Variants in CEP63 observed in about 807,000 individuals in gnomAD.
The protein encoded by CEP63 is centrosomal protein of 63 kDa.
Under a neutral mutation model 89.1 loss-of-function variants are expected in CEP63, and 84 were observed. That is an observed-to-expected ratio of 0.94 (90% confidence interval 0.79 to 1.13). CEP63 has a LOEUF of 1.13. CEP63 is among the 50% of genes most tolerant of loss of function. The pLI is 0.00. For missense variants in CEP63, 838 were observed against 813.3 expected, an observed-to-expected ratio of 1.03 and a Z score of -0.37; for synonymous variants, 267 against 272.5, an observed-to-expected ratio of 0.98 and a Z score of 0.20.
the CEP63 span, among the ~76,000 whole-genome samples, chr3:134,621,213 A>C: frequency 6.6e-6 from 1 of 152,246 alleles, no homozygotes; most frequent in East Asian, 1.9e-4. Context: ...GCTGAAATGG[A>C]AAAGTCAGTT....
chr3:134,755,470 G>A, the CEP63 span, among the ~76,000 whole-genome samples: 1 of 152,180 alleles, frequency 6.6e-6, no homozygotes, highest in Non-Finnish European at 1.5e-5. Context: ...TGGCTCTAGG[G>A]TGACTGCAAG....
In CEP63 at chr3:134,507,164, A is replaced by T; in HGVS notation, c.100A>T (p.Ile34Leu). 2 of 1,613,836 alleles carry T rather than the reference A, an allele frequency of 1.2e-6. No homozygotes were observed. The highest frequency in any genetic ancestry group is 1.7e-6 in the Non-Finnish European group (2 of 1,179,860). Reference sequence around the variant, plus strand: ...ACAGGAGCTCATGAAACAGATTGACATAATGGTGGCTCATAAAAAATCTGA... The same window carrying T: ...ACAGGAGCTCATGAAACAGATTGACTTAATGGTGGCTCATAAAAAATCTGA... ...ELQELMKQID[I>L]MVAHKKSEWE... Residue 34 changes from isoleucine to leucine, a missense_variant, in exon 3 of 15, where the codon ATA (isoleucine) becomes TTA (leucine). Transcript: ENST00000675561.
chr3:134,502,147 A>G (rs1462424364), intron 2 of CEP63, among the ~76,000 whole-genome samples: 2 of 152,142 alleles, frequency 1.3e-5, no homozygotes, highest in Admixed American at 6.5e-5. Context: ...ATTTTTGCCT[A>G]TGTTGAACCA....
the CEP63 span, among the ~76,000 whole-genome samples, chr3:134,756,912 G>T: frequency 1.3e-5 from 2 of 152,134 alleles, no homozygotes; most frequent in Admixed American, 6.6e-5. Flanking sequence ...AGGAGAAACT[G>T]CTATATGGGC....
rs996514907 is a variant in CEP63, at chr3:134,549,993, C to T, written c.1183-70C>T. The T allele has an allele frequency of 5.8e-6, 6 of 1,039,874 alleles. No homozygotes were observed. In the South Asian group the frequency reaches 6.7e-5, roughly 12 times the overall value. The allele number at this position is 1,039,874 out of a possible 1,614,324, so 64.4% of individuals were successfully genotyped here. On this transcript the variant is annotated intron_variant, in intron 10 of 14. Transcript: ENST00000675561. ...ATAAGGTGAACTTTTATTTTATTAG[C>T]TAGTAACATATTATTCTATCTAAAT...
chr3:134,642,189 C>G, the CEP63 span, among the ~76,000 whole-genome samples: 4 of 152,192 alleles, frequency 2.6e-5, no homozygotes, highest in Admixed American at 6.5e-5. Flanking sequence ...CTGCCAGCGC[C>G]TTTCTATAGA....
At chr3:134,509,446 A>T (rs1243989318) in intron 3 of CEP63, among the ~76,000 whole-genome samples, 1 of 152,198 alleles carries the variant, frequency 6.6e-6, no homozygotes, top group Non-Finnish European at 1.5e-5. Context: ...TTGAGCAGGG[A>T]CACAGACCCA....
chr3:134,636,088 A>G, the CEP63 span, among the ~76,000 whole-genome samples: 1 of 152,252 alleles, frequency 6.6e-6, no homozygotes, highest in African/African-American at 2.4e-5. Context: ...GAACACTCAG[A>G]TACATACATC....
At position 134,547,382 on chromosome 3, in the gene CEP63, A is replaced by AG; in HGVS notation, c.982dup (p.Asp328GlyfsTer15). 6.2e-7 allele frequency: 1 copy of AG among 1,613,740 alleles called. No homozygotes were observed. The highest frequency in any genetic ancestry group is 1.3e-5 in the African/African-American group (1 of 75,020). ...GAAAAGAAGTACACCTCTCAAGGGC[A>AG]GGGGGACTTAGACAGTGTGCTCTCC... On this transcript the variant is annotated frameshift_variant, in exon 9 of 15. Coordinates refer to ENST00000675561, the MANE Select transcript of CEP63 (RefSeq NM_001353108.3). LOFTEE classifies it high-confidence loss of function.
intron 5 of CEP63, among the ~76,000 whole-genome samples, 195 bp downstream of exon 5, chr3:134,533,095 C>T (rs1950166981): frequency 1.3e-5 from 2 of 152,126 alleles, no homozygotes; most frequent in South Asian, 4.1e-4. Context: ...GGGTTACTGG[C>T]CATCAGTAAT....
chr3:134,627,657 G>T, the CEP63 span: 8 of 1,070,340 alleles, frequency 7.5e-6, no homozygotes, highest in African/African-American at 1.1e-4. Flanking sequence ...CAGCCTCTCA[G>T]CATAGTGGCC....
the CEP63 span, among the ~76,000 whole-genome samples, chr3:134,616,310 A>G: frequency 6.6e-6 from 1 of 152,246 alleles, no homozygotes; most frequent in Admixed American, 6.5e-5. Flanking sequence ...AAATTACTTT[A>G]TTAAATCAGT....
the CEP63 span, among the ~76,000 whole-genome samples, chr3:134,694,802 G>A: frequency 3.3e-5 from 5 of 152,188 alleles, no homozygotes; most frequent in Admixed American, 2.0e-4. Context: ...CAATAAACAA[G>A]TTTTTCTTTC....
chr3:134,645,494 C>T, the CEP63 span, among the ~76,000 whole-genome samples: 1 of 152,218 alleles, frequency 6.6e-6, no homozygotes, highest in Non-Finnish European at 1.5e-5. Flanking sequence ...GTGCCTTGGG[C>T]ACCAGTAAGG....
intron 2 of CEP63, among the ~76,000 whole-genome samples, chr3:134,498,374 T>C: frequency 6.6e-6 from 1 of 152,168 alleles, no homozygotes; most frequent in East Asian, 1.9e-4. Flanking sequence ...TATTGGTGTA[T>C]AGAAACATTA....
At chr3:134,694,149 T>C in the CEP63 span, among the ~76,000 whole-genome samples, 1 of 152,184 alleles carries the variant, frequency 6.6e-6, no homozygotes, top group Admixed American at 6.5e-5. Context: ...CAGGGGGCTC[T>C]CAATGGCCCC....
At chr3:134,756,738 G>C in the CEP63 span, among the ~76,000 whole-genome samples, 13 of 152,158 alleles carry the variant, frequency 8.5e-5, no homozygotes, top group African/African-American at 2.4e-4. Flanking sequence ...ATACATTTGA[G>C]AAACCAGTAC....
At chr3:134,575,846 C>T (rs1431476360), downstream of CEP63, among the ~76,000 whole-genome samples, 1 of 152,110 alleles carries the variant, frequency 6.6e-6, no homozygotes, top group Non-Finnish European at 1.5e-5. Context: ...CTCCTGGGCC[C>T]AAGCAATCCA....
At chr3:134,781,657 A>G in the CEP63 span, among the ~76,000 whole-genome samples, 1 of 152,252 alleles carries the variant, frequency 6.6e-6, no homozygotes, top group Non-Finnish European at 1.5e-5. Flanking sequence ...AAGTAGTAGG[A>G]GAAAAAATGC....
Sources: allele counts gnomAD v4.1 joint callset (sites outside exome capture counted in the v4.1 genomes callset), GRCh38; gene constraint gnomAD v4.1.1; transcripts MANE v1.5; gene names NCBI Gene and HGNC (gene_info 2026-07-23, HGNC 2026-07-21).